The following JARID2 variants were observed in gnomAD, a reference collection of about 807,000 sequenced individuals.
JARID2 encodes the protein protein Jumonji.
In JARID2, 21 loss-of-function variants were observed where a neutral mutation model predicts 125.6. The observed-to-expected ratio is 0.17, with a 90% CI of 0.12 to 0.24. The LOEUF is 0.24. JARID2 is among the 10% of genes least tolerant of loss of function. JARID2 has a pLI of 1.00. For missense variants in JARID2, 1,303 were observed against 1,639.6 expected, an observed-to-expected ratio of 0.79 and a Z score of 3.55; for synonymous variants, 736 against 661.6, an observed-to-expected ratio of 1.11 and a Z score of -1.73.
At chr6:15,359,775 C>A (rs1329403892) in intron 1 of JARID2, among the ~76,000 whole-genome samples, 2 of 151,430 alleles carry the variant, frequency 1.3e-5, no homozygotes, top group Admixed American at 1.3e-4. Context: ...CAATCTCTGC[C>A]TCCTGGGTTC....
Position 15,496,659 on chromosome 6 carries a change from A to G in JARID2, c.1434A>G (p.Arg478=), listed in dbSNP as rs763193559. 3 of 1,612,540 alleles carry G rather than the reference A, an allele frequency of 1.9e-6. No homozygotes were observed. Among genetic ancestry groups the G allele is most frequent in the Admixed American group, 3.3e-5 (2 of 59,988 alleles). ...EGPGKKAPAE[R]GLLNGHVKKE... ...CTGGCAAGAAGGCCCCGGCCGAGAGAGGTCTGCTGAACGGACACGTGAAGA... is the reference window on the plus strand; with the variant it reads ...CTGGCAAGAAGGCCCCGGCCGAGAGGGGTCTGCTGAACGGACACGTGAAGA... The change falls in exon 7 of 18, where the codon AGA becomes AGG. Residue 478 remains arginine, a synonymous_variant. Transcript: ENST00000341776.
chr6:15,516,531 G>A lies in JARID2; in HGVS notation c.3451-630G>A, dbSNP rs3819395. 5.1e-3 allele frequency among the ~76,000 whole-genome samples: 775 copies of A among 152,346 alleles called. 34 individuals are homozygous for A. In the East Asian group the frequency reaches 0.073, roughly 14 times the overall value. ...TGTGGACAGCCCGCCCAAGGGGGCCGGGGCTGGTGGGTGAGGTCATCGGCG... is the reference window on the plus strand; with the variant it reads ...TGTGGACAGCCCGCCCAAGGGGGCCAGGGCTGGTGGGTGAGGTCATCGGCG... On this transcript the variant is annotated intron_variant, in intron 16 of 17. Transcript: ENST00000341776.
intron 3 of JARID2, among the ~76,000 whole-genome samples, chr6:15,427,726 T>C (rs1196579526): frequency 6.6e-6 from 1 of 152,072 alleles, no homozygotes; most frequent in Non-Finnish European, 1.5e-5. Flanking sequence ...TCTTCCTTAG[T>C]GTGAATGTGT....
At chr6:15,339,523 G>A (rs1275379325) in intron 1 of JARID2, among the ~76,000 whole-genome samples, 15 of 64,558 alleles carry the variant, frequency 2.3e-4, no homozygotes, top group East Asian at 7.7e-4. Flanking sequence ...TATCTCTCCC[G>A]CCCCACCCGC....
chr6:15,376,379 G>T (rs1027000052), intron 2 of JARID2, among the ~76,000 whole-genome samples: 2 of 152,146 alleles, frequency 1.3e-5, no homozygotes, highest in African/African-American at 4.8e-5. Context: ...TAGCAGTTCT[G>T]AGTAAACAGA....
chr6:15,422,090 G>A (rs1041994191), intron 3 of JARID2, among the ~76,000 whole-genome samples: 3 of 152,174 alleles, frequency 2.0e-5, no homozygotes, highest in African/African-American at 7.2e-5. Context: ...ATCCTCTCTT[G>A]GGTCCTCCAA....
chr6:15,510,950 G>A (rs539405715), intron 12 of JARID2, among the ~76,000 whole-genome samples: 14 of 152,362 alleles, frequency 9.2e-5, no homozygotes, highest in Non-Finnish European at 1.9e-4. Flanking sequence ...GAGGCTCGTG[G>A]AGGCCGCAGT....
intron 2 of JARID2, among the ~76,000 whole-genome samples, chr6:15,391,599 C>T (rs1336810868): frequency 6.6e-6 from 1 of 152,232 alleles, no homozygotes; most frequent in Non-Finnish European, 1.5e-5. Flanking sequence ...TGTTATGCAA[C>T]CATTCACTTT....
At chr6:15,256,133 T>C (rs1319086360) in intron 1 of JARID2, among the ~76,000 whole-genome samples, 1 of 152,188 alleles carries the variant, frequency 6.6e-6, no homozygotes. Context: ...ATGCTCAAGG[T>C]ATTATTACCC....
chr6:15,281,177 A>G (rs1207555159), intron 1 of JARID2, among the ~76,000 whole-genome samples: 1 of 152,186 alleles, frequency 6.6e-6, no homozygotes, highest in Non-Finnish European at 1.5e-5. Flanking sequence ...TGCAGCTTCC[A>G]GTCAGTGCGC....
chr6:15,364,750 A>C (rs1763917414), intron 1 of JARID2, among the ~76,000 whole-genome samples: 1 of 152,228 alleles, frequency 6.6e-6, no homozygotes, highest in South Asian at 2.1e-4. Context: ...TTGAAACCCT[A>C]TCCAATTTAA....
At chr6:15,313,833 A>G (rs968363842) in intron 1 of JARID2, among the ~76,000 whole-genome samples, 3 of 151,994 alleles carry the variant, frequency 2.0e-5, no homozygotes, top group African/African-American at 7.2e-5. Flanking sequence ...TGTCATCTAA[A>G]CCTCTTCTCC....
chr6:15,429,252 A>C (rs1390107874), intron 3 of JARID2, among the ~76,000 whole-genome samples: 3 of 151,322 alleles, frequency 2.0e-5, no homozygotes, highest in African/African-American at 7.3e-5. Context: ...AGGAAAAGGA[A>C]TCTTTTTCTT....
chr6:15,515,889 G>A (rs1032660608), intron 16 of JARID2, among the ~76,000 whole-genome samples: 1 of 151,492 alleles, frequency 6.6e-6, no homozygotes, highest in African/African-American at 2.4e-5. Flanking sequence ...GAAAAAATTA[G>A]CCGTGCATGA....
chr6:15,517,084 G>A, intron 16 of JARID2, 77 bp from the exon 17 acceptor site: 1 of 1,071,124 alleles, frequency 9.3e-7, no homozygotes, highest in Non-Finnish European at 1.4e-6. Context: ...TGCCCGGCCG[G>A]GCGTGCTCCT....
chr6:15,284,383 G>T (rs1320288678), intron 1 of JARID2, among the ~76,000 whole-genome samples: 5 of 152,092 alleles, frequency 3.3e-5, no homozygotes, highest in African/African-American at 1.2e-4. Flanking sequence ...TCAGTATTCT[G>T]TGTTAAATAA....
At chr6:15,457,261 T>A (rs1308155792) in intron 4 of JARID2, among the ~76,000 whole-genome samples, 3 of 152,252 alleles carry the variant, frequency 2.0e-5, no homozygotes, top group Non-Finnish European at 2.9e-5. Flanking sequence ...CCACTGCTAA[T>A]GACGCATATC....
intron 8 of JARID2, among the ~76,000 whole-genome samples, chr6:15,502,918 C>T (rs1331295464): frequency 6.6e-6 from 1 of 152,192 alleles, no homozygotes; most frequent in African/African-American, 2.4e-5. Flanking sequence ...ACTGAGAAGC[C>T]TTTGTCAAGT....
chr6:15,484,565 A>G (rs1415991597), intron 5 of JARID2, among the ~76,000 whole-genome samples: 1 of 152,186 alleles, frequency 6.6e-6, no homozygotes, highest in African/African-American at 2.4e-5. Context: ...CTGTGTACCT[A>G]CTGAACCCCA....
Sources: allele counts gnomAD v4.1 joint callset (sites outside exome capture counted in the v4.1 genomes callset), GRCh38; gene constraint gnomAD v4.1.1; transcripts MANE v1.5; gene names NCBI Gene and HGNC (gene_info 2026-07-23, HGNC 2026-07-21).